STXBP5L: variants seen among roughly 807,000 people sequenced by gnomAD.
The protein encoded by STXBP5L is syntaxin binding protein 5L, also known as syntaxin-binding protein 5-like.
In STXBP5L, 65 loss-of-function variants were observed where a neutral mutation model predicts 144.5. That is an observed-to-expected ratio of 0.45 (90% CI 0.37 to 0.55). The LOEUF is 0.55. Ranked by LOEUF, STXBP5L falls within the 20% of genes least tolerant of loss-of-function variation. The pLI, the probability that STXBP5L is intolerant of heterozygous loss-of-function variation, is 0.00. For synonymous variants in STXBP5L, 505 were observed against 469.6 expected, an observed-to-expected ratio of 1.08 and a Z score of -0.97; for missense variants, 1,298 against 1,405.5, an observed-to-expected ratio of 0.92 and a Z score of 1.22.
chr3:121,147,708 G>C (rs2045769101), intron 7 of STXBP5L, among the ~76,000 whole-genome samples: 2 of 152,144 alleles, frequency 1.3e-5, no homozygotes, highest in African/African-American at 2.4e-5. Flanking sequence ...TGTTTTGGTT[G>C]AGATGAATAT....
chr3:120,948,983 T>A (rs948867481), intron 2 of STXBP5L, among the ~76,000 whole-genome samples: 5 of 151,762 alleles, frequency 3.3e-5, no homozygotes, highest in Non-Finnish European at 7.4e-5. Context: ...GGAATATCTA[T>A]ACTGTTTTCT....
chr3:120,993,260 A>T (rs189400080), intron 3 of STXBP5L, among the ~76,000 whole-genome samples: 21 of 152,188 alleles, frequency 1.4e-4, no homozygotes, highest in Non-Finnish European at 7.4e-5. Flanking sequence ...TTGAACAGGT[A>T]GCCTCTTCAC....
At chr3:121,027,744 T>G (rs1287155296) in intron 3 of STXBP5L, among the ~76,000 whole-genome samples, 1 of 152,108 alleles carries the variant, frequency 6.6e-6, no homozygotes, top group East Asian at 1.9e-4. Context: ...ACAGTGACCT[T>G]CATTCCATCT....
chr3:121,166,295 G>A (rs568138380), intron 9 of STXBP5L, among the ~76,000 whole-genome samples: 9 of 152,156 alleles, frequency 5.9e-5, no homozygotes, highest in South Asian at 2.1e-4. Flanking sequence ...CATGACCACC[G>A]TTCCTGGCTT....
chr3:121,184,643 A>G (rs1411420904), intron 9 of STXBP5L, among the ~76,000 whole-genome samples: 3 of 152,198 alleles, frequency 2.0e-5, no homozygotes, highest in African/African-American at 7.2e-5. Context: ...AACACTCTTC[A>G]GGATATTATC....
At chr3:121,337,557 T>C (rs2044553641) in intron 20 of STXBP5L, among the ~76,000 whole-genome samples, 1 of 151,434 alleles carries the variant, frequency 6.6e-6, no homozygotes. Context: ...TCCAGATTCA[T>C]AAAAAATTAC....
chr3:121,050,539 G>C (rs1431318557), intron 5 of STXBP5L, among the ~76,000 whole-genome samples: 3 of 152,026 alleles, frequency 2.0e-5, no homozygotes, highest in East Asian at 3.9e-4. Context: ...AATGCTGAGA[G>C]ATTTTGTCAC....
At chr3:121,013,354 C>G (rs1944917640) in intron 3 of STXBP5L, among the ~76,000 whole-genome samples, 1 of 152,032 alleles carries the variant, frequency 6.6e-6, no homozygotes, top group African/African-American at 2.4e-5. Flanking sequence ...TTGCCAACAT[C>G]TGTTATTTTC....
At chr3:120,960,544 T>A (rs1482797356) in intron 3 of STXBP5L, among the ~76,000 whole-genome samples, 1 of 152,024 alleles carries the variant, frequency 6.6e-6, no homozygotes, top group Non-Finnish European at 1.5e-5. Flanking sequence ...ATTAAGAAAA[T>A]ATGACACATA....
intron 9 of STXBP5L, among the ~76,000 whole-genome samples, chr3:121,188,052 T>C (rs2047474931): frequency 6.6e-6 from 1 of 152,074 alleles, no homozygotes. Flanking sequence ...CTTAGATACT[T>C]ACAAAGAGAC....
intron 22 of STXBP5L, among the ~76,000 whole-genome samples, chr3:121,400,344 C>T (rs150372130): frequency 6.6e-6 from 1 of 152,276 alleles, no homozygotes; most frequent in Non-Finnish European, 1.5e-5. Context: ...TGCCTGGTGA[C>T]ATTTTGGGGC....
chr3:121,325,065 A>G (rs1477445465), intron 20 of STXBP5L, among the ~76,000 whole-genome samples: 1 of 152,036 alleles, frequency 6.6e-6, no homozygotes, highest in East Asian at 1.9e-4. Context: ...ATGGAAAGGA[A>G]GGTCCTATAA....
At chr3:121,365,112 A>T (rs1387478638) in intron 20 of STXBP5L, among the ~76,000 whole-genome samples, 1 of 151,840 alleles carries the variant, frequency 6.6e-6, no homozygotes, top group East Asian at 1.9e-4. Flanking sequence ...AATATATTCC[A>T]CTTGGTTATA....
chr3:121,318,437 A>T, intron 19 of STXBP5L, 38 bp from the exon 20 acceptor site: 1 of 1,494,840 alleles, frequency 6.7e-7, no homozygotes. Flanking sequence ...ACAAAATGCT[A>T]GCAAAATTTA....
At chr3:121,240,406 ATGT>A in intron 13 of STXBP5L, 31 bp from the exon 14 acceptor site, 1 of 1,588,034 alleles carries the variant, frequency 6.3e-7, no homozygotes, top group Non-Finnish European at 8.6e-7. Flanking sequence ...CCATTTAAAC[ATGT>A]ATATATATTC....
intron 3 of STXBP5L, among the ~76,000 whole-genome samples, chr3:120,967,241 C>A (rs541595395): frequency 8.5e-5 from 13 of 152,272 alleles, no homozygotes; most frequent in African/African-American, 2.9e-4. Context: ...ATTTCCCCTC[C>A]CCTTGCACTT....
chr3:120,979,428 C>T (rs1452529349), intron 3 of STXBP5L, among the ~76,000 whole-genome samples: 1 of 152,174 alleles, frequency 6.6e-6, no homozygotes, highest in East Asian at 1.9e-4. Flanking sequence ...GGGCGTGACC[C>T]AATTTTCCAG....
At chr3:121,182,121 C>T (rs1184535748) in intron 9 of STXBP5L, among the ~76,000 whole-genome samples, 1 of 152,124 alleles carries the variant, frequency 6.6e-6, no homozygotes, top group East Asian at 1.9e-4. Context: ...ATCATCAAGA[C>T]AGAAAGACAT....
intron 5 of STXBP5L, among the ~76,000 whole-genome samples, chr3:121,078,979 G>C (rs1437239515): frequency 6.6e-6 from 1 of 152,230 alleles, no homozygotes; most frequent in Non-Finnish European, 1.5e-5. Context: ...CTCCGGCCTT[G>C]ACCAGCCCAG....
Sources: gnomAD v4.1 joint callset for allele counts (sites outside exome capture counted in the v4.1 genomes callset) on GRCh38, gnomAD v4.1.1 for gene constraint, MANE v1.5 for transcripts, NCBI Gene and HGNC (gene_info 2026-07-23, HGNC 2026-07-21) for gene names.